Variants in NCS1 observed in about 807,000 individuals in gnomAD.
The protein encoded by NCS1 is frequenin homolog.
NCS1 carries 6 observed loss-of-function variants against 28.4 expected under a neutral mutation model. The observed-to-expected ratio is 0.21, with a 90% CI of 0.12 to 0.42. The LOEUF (loss-of-function observed/expected upper bound fraction) is 0.42. NCS1 is among the 10% of genes least tolerant of loss of function. The pLI, the probability that NCS1 is intolerant of heterozygous loss-of-function variation, is 1.00. For synonymous variants in NCS1, 86 were observed against 99.3 expected, an observed-to-expected ratio of 0.87 and a Z score of 0.79; for missense variants, 131 against 241.4, an observed-to-expected ratio of 0.54 and a Z score of 3.03.
intron 1 of NCS1, among the ~76,000 whole-genome samples, chr9:130,197,442 C>T (rs1832889080): frequency 6.6e-6 from 1 of 152,202 alleles, no homozygotes; most frequent in Admixed American, 6.5e-5. Flanking sequence ...TGGTTGAGAA[C>T]ACAGGCCTTG....
rs770840923 is a variant in NCS1, at chr9:130,226,133, G to A, written c.475-256G>A. On this transcript the variant is annotated intron_variant, in intron 6 of 7. Coordinates refer to ENST00000372398, the MANE Select transcript of NCS1 (RefSeq NM_014286.4). This position sits in a 1 kb window ranked among gnomAD's most constrained non-coding sequence, Gnocchi z 4.8. Reference sequence around the variant, plus strand: ...GGTCAAGCACAGAGCTGTCACCCGAGTGCCTGGAGGAAGCCAGGTAATTAC... The same window carrying A: ...GGTCAAGCACAGAGCTGTCACCCGAATGCCTGGAGGAAGCCAGGTAATTAC... 2.0e-5 allele frequency among the ~76,000 whole-genome samples: 3 copies of A among 152,366 alleles called. No homozygotes were observed. In the East Asian group the frequency reaches 5.8e-4, roughly 29 times the overall value.
chr9:130,201,041 G>A (rs1588115622), intron 2 of NCS1, 59 bp downstream of exon 2: 6 of 1,609,520 alleles, frequency 3.7e-6, no homozygotes, highest in Non-Finnish European at 4.3e-6. Context: ...TTTGTGGGCT[G>A]TGGGCTGATG....
chr9:130,182,307 G>A (rs1164865111), intron 1 of NCS1, among the ~76,000 whole-genome samples: 1 of 152,172 alleles, frequency 6.6e-6, no homozygotes, highest in Non-Finnish European at 1.5e-5. Flanking sequence ...CCCGGCGCCT[G>A]CCTCCCACCG....
At position 130,192,103 on chromosome 9, in the gene NCS1, C is replaced by G. The variant is rs1175625795; in HGVS notation, c.65-8855C>G. 6.6e-6 allele frequency among the ~76,000 whole-genome samples: 1 copy of G among 152,168 alleles called. No homozygotes were observed. The highest frequency in any genetic ancestry group is 2.4e-5 in the African/African-American group (1 of 41,432). On this transcript the variant is annotated intron_variant, in intron 1 of 7. Transcript: ENST00000372398. This position sits in a 1 kb window ranked among gnomAD's most constrained non-coding sequence, Gnocchi z 4.8. The stretch of plus-strand genomic sequence containing the variant: ...GGCAGCTCAGGCCTGGTGCTGGGGC[C>G]CAGCTGCCCTTTAGCCAGGCAGTGG...
Position 130,181,972 on chromosome 9 carries a change from C to A in NCS1, c.64+9245C>A, listed in dbSNP as rs991350918. On this transcript the variant is annotated intron_variant, in intron 1 of 7. Coordinates refer to ENST00000372398, the MANE Select transcript of NCS1 (RefSeq NM_014286.4). This position sits in a 1 kb window ranked among gnomAD's most constrained non-coding sequence, Gnocchi z 5.0. ...GGAGGCACAGACAGGCCGGGAGCCG[C>A]GCCAAAGGCTGGGAGCTCAGCTGCC... Among the ~76,000 whole-genome samples, 2 of 151,968 alleles carry A rather than the reference C, an allele frequency of 1.3e-5. No homozygotes were observed. The highest frequency in any genetic ancestry group is 4.8e-5 in the African/African-American group (2 of 41,350).
chr9:130,209,164 T>G lies in NCS1; in HGVS notation c.89+8182T>G, dbSNP rs1833076034. Reference sequence around the variant, plus strand: ...CCGCTGCGCCCATCCCCGCTGCGCCTGGCTGATTGCAGCTTGGGGTAATGC... The same window carrying G: ...CCGCTGCGCCCATCCCCGCTGCGCCGGGCTGATTGCAGCTTGGGGTAATGC... On this transcript the variant is annotated intron_variant, in intron 2 of 7. Transcript: ENST00000372398. The surrounding 1 kb of genome is among the most constrained non-coding windows in gnomAD (Gnocchi z 4.4). Among the ~76,000 whole-genome samples the G allele has an allele frequency of 6.6e-6, 1 of 152,222 alleles. No homozygotes were observed. Among genetic ancestry groups the G allele is most frequent in the African/African-American group, 2.4e-5 (1 of 41,462 alleles).
chr9:130,216,267 G>C (rs1462404873), intron 2 of NCS1, among the ~76,000 whole-genome samples: 1 of 152,172 alleles, frequency 6.6e-6, no homozygotes, highest in Non-Finnish European at 1.5e-5. Flanking sequence ...ACATTAGAAT[G>C]GGGGACAGTG....
At chr9:130,220,171 G>A (rs781940303) in intron 4 of NCS1, among the ~76,000 whole-genome samples, 3 of 152,352 alleles carry the variant, frequency 2.0e-5, no homozygotes, top group African/African-American at 2.4e-5. Flanking sequence ...GACTTGGGCC[G>A]CAGGAGGGTC....
chr9:130,201,667 A>G (rs1281830358), intron 2 of NCS1, among the ~76,000 whole-genome samples: 2 of 152,040 alleles, frequency 1.3e-5, no homozygotes, highest in African/African-American at 4.8e-5. Flanking sequence ...ATGAGCTTGG[A>G]GATTTTCCAG....
chr9:130,230,179 C>T (rs1363098647), intron 7 of NCS1, among the ~76,000 whole-genome samples: 3 of 151,948 alleles, frequency 2.0e-5, no homozygotes, highest in African/African-American at 4.8e-5. Flanking sequence ...GGTGAAACCC[C>T]GTCTCTACAA....
Position 130,233,043 on chromosome 9 carries a change from C to T in NCS1, c.*71C>T. The T allele has an allele frequency of 6.5e-6, 1 of 153,908 alleles. No individual in the cohort carries two copies. The highest frequency in any genetic ancestry group is 1.4e-5 in the Non-Finnish European group (1 of 69,004). The allele number at this position is 153,908 out of a possible 1,614,324, so 9.5% of individuals were successfully genotyped here. A position where few individuals can be genotyped will look rare whatever the true frequency, so the allele number is the denominator to read the frequency against. ...TGCCATGAGGCCACCTCAGCCCTGA[C>T]ACCAACCCCGTGCGTCCACCCAGCC... On this transcript the variant is annotated 3_prime_UTR_variant, in exon 8 of 8. Coordinates refer to ENST00000372398, the MANE Select transcript of NCS1 (RefSeq NM_014286.4). The surrounding 1 kb of genome is among the most constrained non-coding windows in gnomAD (Gnocchi z 4.8).
intron 2 of NCS1, among the ~76,000 whole-genome samples, chr9:130,208,123 G>C: frequency 6.7e-6 from 1 of 150,014 alleles, no homozygotes. Context: ...GAGACAGCAG[G>C]GTACACACCG....
chr9:130,195,791 G>T (rs1000352424), intron 1 of NCS1, among the ~76,000 whole-genome samples: 5 of 152,244 alleles, frequency 3.3e-5, no homozygotes, highest in African/African-American at 1.2e-4. Context: ...AAGTGTTCCT[G>T]GCAGAGCACA....
chr9:130,179,926 C>G (rs1832629829), intron 1 of NCS1, among the ~76,000 whole-genome samples: 1 of 152,182 alleles, frequency 6.6e-6, no homozygotes, highest in African/African-American at 2.4e-5. Flanking sequence ...TTGTTCCTGT[C>G]AGGGCACCTC....
chr9:130,203,683 C>T (rs956558024), intron 2 of NCS1, among the ~76,000 whole-genome samples: 1 of 152,186 alleles, frequency 6.6e-6, no homozygotes, highest in Non-Finnish European at 1.5e-5. Flanking sequence ...TGGGCCTCTT[C>T]CAGGGCAGGG....
chr9:130,187,851 T>C (rs947333171), intron 1 of NCS1, among the ~76,000 whole-genome samples: 1 of 152,246 alleles, frequency 6.6e-6, no homozygotes, highest in Non-Finnish European at 1.5e-5. Flanking sequence ...GTGTGGCTTC[T>C]GTGAACAATT....
rs558498523 is a variant in NCS1 at position 130,209,949 on chromosome 9, G to A, written c.90-7883G>A. On this transcript the variant is annotated intron_variant, in intron 2 of 7. Coordinates refer to ENST00000372398, the MANE Select transcript of NCS1 (RefSeq NM_014286.4). The surrounding 1 kb of genome is among the most constrained non-coding windows in gnomAD (Gnocchi z 4.4). ...CCATGGCTCTTCTCTAATCCCCAAA[G>A]GGGTCTCTGGACCCCAAAGAGTTAA... Among the ~76,000 whole-genome samples, 22 of 152,048 alleles carry A rather than the reference G, an allele frequency of 1.4e-4. No individual in the cohort carries two copies. Among genetic ancestry groups the A allele is most frequent in the Non-Finnish European group, 3.1e-4 (21 of 68,016 alleles).
chr9:130,180,522 A>G lies in NCS1; in HGVS notation c.64+7795A>G, dbSNP rs1464496381. Among the ~76,000 whole-genome samples, 1 of 152,186 alleles carries G rather than the reference A, an allele frequency of 6.6e-6. No homozygotes were observed. Among genetic ancestry groups the G allele is most frequent in the Non-Finnish European group, 1.5e-5 (1 of 68,022 alleles). The stretch of plus-strand genomic sequence containing the variant: ...TTTTGCAGGGCAGAGAGTGTCAGAG[A>G]TTACGTTGCGGCGTTTCTAGGTAAC... On this transcript the variant is annotated intron_variant, in intron 1 of 7. Coordinates refer to ENST00000372398, the MANE Select transcript of NCS1 (RefSeq NM_014286.4). This position sits in a 1 kb window ranked among gnomAD's most constrained non-coding sequence, Gnocchi z 4.5.
In NCS1 at chr9:130,232,922, T is replaced by C. The variant is rs1812787633; in HGVS notation, c.*18-68T>C. 3 of 152,772 alleles carry C rather than the reference T, an allele frequency of 2.0e-5. No homozygotes were observed. The highest frequency in any genetic ancestry group is 7.2e-5 in the African/African-American group (3 of 41,460). 9.5% of individuals were successfully genotyped at this position (152,772 alleles called of 1,614,324 possible). A position where few individuals can be genotyped will look rare whatever the true frequency, so the allele number is the denominator to read the frequency against. Reference sequence around the variant, plus strand: ...GCCAGCTCTCTGTGCCTATCCTCCGTGGCCAGACCTTAACCCCTATCCGCT... The same window carrying C: ...GCCAGCTCTCTGTGCCTATCCTCCGCGGCCAGACCTTAACCCCTATCCGCT... On this transcript the variant is annotated intron_variant, in intron 7 of 7. Transcript: ENST00000372398. This position sits in a 1 kb window ranked among gnomAD's most constrained non-coding sequence, Gnocchi z 4.4.
Sources: gnomAD v4.1 joint callset for allele counts (sites outside exome capture counted in the v4.1 genomes callset) on GRCh38, gnomAD v4.1.1 for gene constraint, Gnocchi (gnomAD v3.1) non-coding constraint, MANE v1.5 for transcripts, NCBI Gene and HGNC (gene_info 2026-07-23, HGNC 2026-07-21) for gene names.